The following CEACAM1 variants were observed in gnomAD, a reference collection of about 807,000 sequenced individuals.
The protein encoded by CEACAM1 is CEA cell adhesion molecule 1, also known as cell adhesion molecule CEACAM1.
A neutral mutation model predicts 49.1 loss-of-function variants in CEACAM1; 31 were observed. The ratio of observed to expected loss-of-function variants is 0.63; its 90% CI spans 0.47 to 0.85. The LOEUF (loss-of-function observed/expected upper bound fraction) is 0.85, where lower values mean the gene tolerates loss of function less well. Ranked by LOEUF, CEACAM1 falls within the 40% of genes least tolerant of loss-of-function variation. The pLI, the probability that CEACAM1 is intolerant of heterozygous loss-of-function variation, is 0.00. For missense variants in CEACAM1, 570 were observed against 645.3 expected (o/e 0.88, Z 1.26); for synonymous variants, 244 against 247.8 (o/e 0.98, Z 0.14).
In CEACAM1 at chr19:42,522,006, C is replaced by T. The variant is rs2147796715; in HGVS notation, c.621G>A (p.Arg207=). The T allele has an allele frequency of 6.2e-7, 1 of 1,614,232 alleles. No individual in the cohort carries two copies. The highest frequency in any genetic ancestry group is 1.7e-5 in the Admixed American group (1 of 60,026). ...CACACTCATAGGGTCCTGTGTCATT[C>T]CTTGTGACACTGAGTAGAGTGAGGG... The part of the protein sequence containing the change: ...NRTLTLLSVT[R]NDTGPYECEI... Residue 207 remains arginine (R), a synonymous_variant, in exon 3 of 9, where the codon AGG becomes AGA. Coordinates refer to ENST00000161559, the MANE Select transcript of CEACAM1 (RefSeq NM_001712.5).
rs1360550127 is a variant in CEACAM1, at chr19:42,522,076, C to T, written c.551G>A (p.Ser184Asn). The T allele has an allele frequency of 6.2e-7, 1 of 1,614,188 alleles. No homozygotes were observed. The highest frequency in any genetic ancestry group is 1.7e-5 in the Admixed American group (1 of 60,020). ...TTYLWWINNQ[S>N]LPVSPRLQLS... ...CTGCAGCCTGGGACTGACCGGGAGG[C>T]TCTGATTGTTTATCCACCACAGGTA... Residue 184 changes from serine to asparagine, a missense_variant, in exon 3 of 9, where the codon AGC (serine) becomes AAC (asparagine). Coordinates refer to ENST00000161559, the MANE Select transcript of CEACAM1 (RefSeq NM_001712.5).
In CEACAM1 at chr19:42,509,897, G is replaced by C. The variant is rs184144205; in HGVS notation, c.1462-669C>G. Among the ~76,000 whole-genome samples the C allele has an allele frequency of 1.8e-4, 28 of 152,280 alleles. No individual in the cohort carries two copies. The East Asian group carries it at 4.2e-3, about 23-fold the overall frequency. On this transcript the variant is annotated intron_variant, in intron 8 of 8. Coordinates refer to ENST00000161559, the MANE Select transcript of CEACAM1 (RefSeq NM_001712.5). Reference sequence around the variant, plus strand: ...CTGCCTTGGCCTCCCAGAGTGCTGGGATTACAGGTGTGAGCCACTGCACCT... The same window carrying C: ...CTGCCTTGGCCTCCCAGAGTGCTGGCATTACAGGTGTGAGCCACTGCACCT...
At position 42,509,114 on chromosome 19, in the gene CEACAM1, G is replaced by A. The variant is rs763262594; in HGVS notation, c.1576C>T (p.Gln526Ter). Residue 526 changes from glutamine to a stop codon, truncating the protein, a stop_gained, in exon 9 of 9, where the codon CAG (glutamine) becomes TAG (stop). Coordinates refer to ENST00000161559, the MANE Select transcript of CEACAM1 (RefSeq NM_001712.5). LOFTEE classifies it low-confidence loss of function (ANC_ALLELE). ...AGTGAGCAGGACAGGTTTCATTACT[G>A]CTTTTTTACTTCTGAATAAATTATT... Reference protein sequence around the residue: ...TEIIYSEVKKQ With the variant: ...TEIIYSEVKK The A allele has an allele frequency of 6.2e-7, 1 of 1,614,148 alleles. No homozygotes were observed. Among genetic ancestry groups the A allele is most frequent in the South Asian group, 1.1e-5 (1 of 91,078 alleles).
intron 5 of CEACAM1, among the ~76,000 whole-genome samples, chr19:42,513,371 G>A (rs2041510124): frequency 6.6e-6 from 1 of 152,136 alleles, no homozygotes; most frequent in South Asian, 2.1e-4. Context: ...GGCTGAGGCG[G>A]GTGGATCACG....
chr19:42,510,891 T>C lies in CEACAM1; in HGVS notation c.1459A>G (p.Lys487Glu). ...CCATGAAAACCGGCTATGCTTACCT[T>C]GTTAGGTGGGTCATTGGAGTGGTCC... is the stretch of plus-strand genomic sequence containing the variant. ...TQDHSNDPPNKMNEVTYSTLN... is the reference protein window; with the variant it reads ...TQDHSNDPPNEMNEVTYSTLN... Residue 487 changes from lysine (K) to glutamate (E), a missense_variant and splice_region_variant, in exon 8 of 9, where the codon AAG becomes GAG. Lys to Glu is a moderately conservative substitution (Grantham distance 56). Transcript: ENST00000161559. 1 of 1,613,448 alleles carries C rather than the reference T, an allele frequency of 6.2e-7. No homozygotes were observed. Among genetic ancestry groups the C allele is most frequent in the Non-Finnish European group, 8.5e-7 (1 of 1,179,392 alleles).
intron 7 of CEACAM1, 132 bp downstream of exon 7, chr19:42,511,444 G>T: frequency 1.3e-6 from 1 of 785,796 alleles, no homozygotes. Context: ...GCCACCTTAG[G>T]GTTGGGAAAT....
chr19:42,527,502 G>GGTGTGT, intron 1 of CEACAM1, 102 bp from the exon 2 acceptor site: 1 of 1,033,128 alleles, frequency 9.7e-7, no homozygotes, highest in Non-Finnish European at 1.4e-6. Flanking sequence ...CCTCCACCTT[G>GGTGTGT]GAGTGTGTGT....
At chr19:42,527,555 G>A (rs746098658) in intron 1 of CEACAM1, among the ~76,000 whole-genome samples, 155 bp from the exon 2 acceptor site, 1 of 147,168 alleles carries the variant, frequency 6.8e-6, no homozygotes, top group South Asian at 2.1e-4. Flanking sequence ...GTGTCCTACT[G>A]GGTCAAGGTC....
intron 1 of CEACAM1, among the ~76,000 whole-genome samples, chr19:42,528,053 A>C (rs1403681772): frequency 6.6e-6 from 1 of 152,208 alleles, no homozygotes; most frequent in African/African-American, 2.4e-5. Flanking sequence ...AATTGTGATT[A>C]TTGTCAGCAG....
intron 6 of CEACAM1, 103 bp from the exon 7 acceptor site, chr19:42,511,731 A>T (rs936873773): frequency 4.6e-5 from 48 of 1,046,252 alleles, no homozygotes; most frequent in Middle Eastern, 2.6e-4. Flanking sequence ...AGAGTCCTTG[A>T]TGTTCATACT....
At chr19:42,509,348 T>G (rs955759982) in intron 8 of CEACAM1, 120 bp from the exon 9 acceptor site, 1 of 1,174,224 alleles carries the variant, frequency 8.5e-7, no homozygotes, top group Non-Finnish European at 1.2e-6. Context: ...GGAGAAGGGC[T>G]TTTGTTGTTA....
intron 8 of CEACAM1, 47 bp from the exon 9 acceptor site, chr19:42,509,275 G>A: frequency 6.4e-7 from 1 of 1,559,552 alleles, no homozygotes; most frequent in Non-Finnish European, 8.7e-7. Flanking sequence ...CACAGGGCAG[G>A]GCCTCACCTT....
chr19:42,513,327 G>A (rs564777827), intron 5 of CEACAM1, among the ~76,000 whole-genome samples: 2 of 152,260 alleles, frequency 1.3e-5, no homozygotes, highest in African/African-American at 2.4e-5. Flanking sequence ...GGCCGGGCGC[G>A]GTGGCTGACG....
At position 42,525,211 on chromosome 19, in the gene CEACAM1, G is replaced by A. The variant is rs374893024; in HGVS notation, c.424+1830C>T. Among the ~76,000 whole-genome samples the A allele has an allele frequency of 6.7e-5, 10 of 149,916 alleles. No homozygotes were observed. The East Asian group carries it at 1.9e-3, about 29-fold the overall frequency. On this transcript the variant is annotated intron_variant, in intron 2 of 8. Coordinates refer to ENST00000161559, the MANE Select transcript of CEACAM1 (RefSeq NM_001712.5). The stretch of plus-strand genomic sequence containing the variant: ...GGGAGCAGAGGTGTGGGTCTGAGGG[G>A]ATAGGCCTGAACATTTTTTTTTTTT...
chr19:42,525,127 C>G lies in CEACAM1; in HGVS notation c.424+1914G>C, dbSNP rs2041857365. Reference sequence around the variant, plus strand: ...GTGAGGAGAGAAAGCAAAGTCCTTTCCTTTATCCTCCTGTGGGAGTGACAC... The same window carrying G: ...GTGAGGAGAGAAAGCAAAGTCCTTTGCTTTATCCTCCTGTGGGAGTGACAC... On this transcript the variant is annotated intron_variant, in intron 2 of 8. Coordinates refer to ENST00000161559, the MANE Select transcript of CEACAM1 (RefSeq NM_001712.5). Among the ~76,000 whole-genome samples the G allele has an allele frequency of 2.0e-5, 3 of 151,994 alleles. No homozygotes were observed. The South Asian group carries it at 6.2e-4, about 32-fold the overall frequency.
intron 4 of CEACAM1, among the ~76,000 whole-genome samples, chr19:42,520,227 G>A (rs910424477): frequency 1.3e-5 from 2 of 152,240 alleles, no homozygotes; most frequent in Non-Finnish European, 2.9e-5. Flanking sequence ...TTCTCCAAGT[G>A]TGGGTCACTC....
Position 42,516,819 on chromosome 19 carries a change from G to C in CEACAM1, c.1246+2129C>G, listed in dbSNP as rs547903494. On this transcript the variant is annotated intron_variant, in intron 5 of 8. Coordinates refer to ENST00000161559, the MANE Select transcript of CEACAM1 (RefSeq NM_001712.5). Reference sequence around the variant, plus strand: ...AGGTGGAGGCGGGTGGATTGCTTGAGCTCAGGAGTTTGAGACCAGCCTTGG... The same window carrying C: ...AGGTGGAGGCGGGTGGATTGCTTGACCTCAGGAGTTTGAGACCAGCCTTGG... 717 of 391,812 alleles carry C rather than the reference G, an allele frequency of 1.8e-3. 7 individuals carry two copies. Among genetic ancestry groups the C allele is most frequent in the African/African-American group, 0.015 (665 of 44,990 alleles). 24.3% of individuals were successfully genotyped at this position (391,812 alleles called of 1,614,324 possible).
rs1003358388 is a variant in CEACAM1, at chr19:42,509,116, T to G, written c.1574A>C (p.Lys525Thr). 6.2e-7 allele frequency: 1 copy of G among 1,613,882 alleles called. No homozygotes were observed. The highest frequency in any genetic ancestry group is 8.5e-7 in the Non-Finnish European group (1 of 1,179,760). The part of the protein sequence containing the change: ...ATEIIYSEVK[K>T]Q The stretch of plus-strand genomic sequence containing the variant: ...TGAGCAGGACAGGTTTCATTACTGC[T>G]TTTTTACTTCTGAATAAATTATTTC... The change falls in exon 9 of 9, where the codon AAG (lysine) becomes ACG (threonine). Residue 525 changes from lysine (K) to threonine (T), a missense_variant. By Grantham distance (78) the Lys-to-Thr change is moderately conservative (BLOSUM62 -1). Coordinates refer to ENST00000161559, the MANE Select transcript of CEACAM1 (RefSeq NM_001712.5).
In CEACAM1 at chr19:42,511,603, C is replaced by T. The variant is rs776721332; in HGVS notation, c.1402G>A (p.Glu468Lys). The part of the protein sequence containing the change: ...GRASDQRDLT[E>K]HKPSVSNHTQ... ...TGGTTGGAGACTGAGGGTTTGTGCT[C>T]TGTGAGATCACGCTGGTCGCTTGCC... is the stretch of plus-strand genomic sequence containing the variant. The change falls in exon 7 of 9, where the codon GAG (glutamate) becomes AAG (lysine). Residue 468 changes from glutamate to lysine, a missense_variant. Transcript: ENST00000161559. 6.2e-7 allele frequency: 1 copy of T among 1,614,032 alleles called. No individual in the cohort carries two copies. Among genetic ancestry groups the T allele is most frequent in the Admixed American group, 1.7e-5 (1 of 60,026 alleles).
Sources: allele counts gnomAD v4.1 joint callset (sites outside exome capture counted in the v4.1 genomes callset), GRCh38; gene constraint gnomAD v4.1.1; transcripts MANE v1.5; gene names NCBI Gene and HGNC (gene_info 2026-07-23, HGNC 2026-07-21).